Variants in TSHZ3 observed in about 807,000 individuals in gnomAD.
TSHZ3 encodes teashirt zinc finger homeobox 3.
In TSHZ3, 10 loss-of-function variants were observed where a neutral mutation model predicts 64.5. The ratio of observed to expected loss-of-function variants is 0.16; its 90% CI spans 0.10 to 0.26. TSHZ3 has a LOEUF of 0.26. TSHZ3 is among the 10% of genes least tolerant of loss of function. TSHZ3 has a pLI of 1.00. For synonymous variants in TSHZ3, 608 were observed against 593.1 expected, an observed-to-expected ratio of 1.03 and a Z score of -0.36; for missense variants, 1,242 against 1,421.7, an observed-to-expected ratio of 0.87 and a Z score of 2.03.
rs935621310 is a variant in TSHZ3 at position 31,201,438 on chromosome 19, T to TA, written n.809+3517dup. 4.2e-4 allele frequency among the ~76,000 whole-genome samples: 64 copies of TA among 152,202 alleles called. 1 individual carries two copies. The highest frequency in any genetic ancestry group is 3.4e-3 in the Middle Eastern group (1 of 294). ...AAATACATAATGAATGTCATATTGC[T>TA]AAAAAAAATTCACTATGTTTGACAA... On this transcript the variant is annotated intron_variant and non_coding_transcript_variant, in intron 5 of 6. Transcript: ENST00000651361.
chr19:31,330,727 G>T (rs1361210942), intron 1 of TSHZ3, among the ~76,000 whole-genome samples: 1 of 148,842 alleles, frequency 6.7e-6, no homozygotes, highest in African/African-American at 2.5e-5. Flanking sequence ...GGAAAGTCCA[G>T]AACACCTATG....
At chr19:31,236,645 T>G in intron 3 of TSHZ3, among the ~76,000 whole-genome samples, 1 of 152,140 alleles carries the variant, frequency 6.6e-6, no homozygotes, top group Non-Finnish European at 1.5e-5. Flanking sequence ...GACCCTTATC[T>G]CACACCATAC....
chr19:31,338,766 C>A (rs1917333743), intron 1 of TSHZ3, among the ~76,000 whole-genome samples: 1 of 152,050 alleles, frequency 6.6e-6, no homozygotes, highest in African/African-American at 2.4e-5. Flanking sequence ...CTTCATTTTT[C>A]TCTGTGTCCT....
At chr19:31,231,781 C>T (rs1251156272) in intron 3 of TSHZ3, among the ~76,000 whole-genome samples, 3 of 152,172 alleles carry the variant, frequency 2.0e-5, no homozygotes, top group Non-Finnish European at 2.9e-5. Flanking sequence ...AGCAGCTTCA[C>T]AAGTCGTGCC....
chr19:31,254,332 C>T (rs962809788), intron 1 of TSHZ3, among the ~76,000 whole-genome samples: 3 of 152,166 alleles, frequency 2.0e-5, no homozygotes, highest in South Asian at 2.1e-4. Flanking sequence ...GTCCCCAGCA[C>T]GGCCGGGCCT....
At chr19:31,210,102 G>T (rs957738222) in intron 4 of TSHZ3, among the ~76,000 whole-genome samples, 1 of 152,064 alleles carries the variant, frequency 6.6e-6, no homozygotes, top group African/African-American at 2.4e-5. Context: ...GGAGGAGAAA[G>T]GGAAACTTCT....
At chr19:31,152,304 G>GTT (rs1344156128) in intron 6 of TSHZ3, among the ~76,000 whole-genome samples, 1 of 151,992 alleles carries the variant, frequency 6.6e-6, no homozygotes, top group Non-Finnish European at 1.5e-5. Flanking sequence ...GTGTGTGTGT[G>GTT]TGTGCATGTT....
intron 1 of TSHZ3, among the ~76,000 whole-genome samples, chr19:31,250,460 C>T (rs963390941): frequency 6.6e-6 from 1 of 152,156 alleles, no homozygotes; most frequent in African/African-American, 2.4e-5. Flanking sequence ...GAATACATCC[C>T]AACTCCTTAC....
chr19:31,346,455 G>A (rs1334397944), intron 1 of TSHZ3, among the ~76,000 whole-genome samples: 1 of 152,230 alleles, frequency 6.6e-6, no homozygotes, highest in African/African-American at 2.4e-5. Context: ...AATCATTAAA[G>A]CTGTCAGGAA....
chr19:31,271,289 CT>C (rs1046667639), downstream of TSHZ3, among the ~76,000 whole-genome samples: 14 of 152,160 alleles, frequency 9.2e-5, no homozygotes, highest in African/African-American at 3.4e-4. Flanking sequence ...GGGTCGCCTC[CT>C]GTCAAATCCT....
intron 3 of TSHZ3, among the ~76,000 whole-genome samples, chr19:31,239,659 A>G (rs1022731470): frequency 6.6e-6 from 1 of 152,072 alleles, no homozygotes; most frequent in Non-Finnish European, 1.5e-5. Context: ...ATAGCTCACT[A>G]CAGCCTCGAC....
intron 3 of TSHZ3, among the ~76,000 whole-genome samples, chr19:31,238,343 C>T (rs1052569548): frequency 6.6e-6 from 1 of 151,696 alleles, no homozygotes; most frequent in Non-Finnish European, 1.5e-5. Context: ...GCAACCTCCA[C>T]CTCCCAGGTT....
intron 5 of TSHZ3, among the ~76,000 whole-genome samples, chr19:31,196,604 C>T (rs1974997142): frequency 6.6e-6 from 1 of 151,842 alleles, no homozygotes; most frequent in Non-Finnish European, 1.5e-5. Context: ...AAAGACACAT[C>T]TAGATTAAAA....
chr19:31,274,314 G>A (rs754257826), downstream of TSHZ3, among the ~76,000 whole-genome samples: 5 of 151,968 alleles, frequency 3.3e-5, no homozygotes, highest in Admixed American at 1.3e-4. Context: ...ATGATTTGCC[G>A]GGGCTAATAA....
At chr19:31,206,248 G>T (rs1369151089) in intron 4 of TSHZ3, among the ~76,000 whole-genome samples, 3 of 151,774 alleles carry the variant, frequency 2.0e-5, no homozygotes, top group East Asian at 3.9e-4. Context: ...TGGACAAGTG[G>T]GTGGATTAAT....
intron 1 of TSHZ3, among the ~76,000 whole-genome samples, chr19:31,307,073 C>T (rs985610613): frequency 6.6e-6 from 1 of 152,080 alleles, no homozygotes; most frequent in Non-Finnish European, 1.5e-5. Context: ...ATTTTGTTCC[C>T]CACCAAAGCC....
At chr19:31,327,900 GT>G (rs1361954903) in intron 1 of TSHZ3, among the ~76,000 whole-genome samples, 2 of 152,170 alleles carry the variant, frequency 1.3e-5, no homozygotes, top group Non-Finnish European at 2.9e-5. Context: ...TTTCTCTAGA[GT>G]TTACATGGAC....
chr19:31,280,514 G>GCA (rs1417245684), intron 1 of TSHZ3, among the ~76,000 whole-genome samples: 1 of 152,028 alleles, frequency 6.6e-6, no homozygotes, highest in Non-Finnish European at 1.5e-5. Context: ...AGCCACCTGT[G>GCA]CACACACACT....
intron 1 of TSHZ3, among the ~76,000 whole-genome samples, chr19:31,314,224 G>A (rs1229301571): frequency 6.6e-6 from 1 of 152,196 alleles, no homozygotes; most frequent in African/African-American, 2.4e-5. Context: ...CAGTCTGCAC[G>A]AGAGATGCTG....
Sources: gnomAD v4.1 joint callset for allele counts (sites outside exome capture counted in the v4.1 genomes callset) on GRCh38, gnomAD v4.1.1 for gene constraint, MANE v1.5 for transcripts, NCBI Gene and HGNC (gene_info 2026-07-23, HGNC 2026-07-21) for gene names.